PRUNE2: variants seen among roughly 807,000 people sequenced by gnomAD.
PRUNE2 encodes the protein protein prune homolog 2.
In PRUNE2, 164 loss-of-function variants were observed where a neutral mutation model predicts 252.0. The observed-to-expected ratio is 0.65, with a 90% CI of 0.57 to 0.74. The LOEUF (loss-of-function observed/expected upper bound fraction) is 0.74. Ranked by LOEUF, PRUNE2 falls within the 30% of genes least tolerant of loss-of-function variation. The pLI is 0.00. For synonymous variants in PRUNE2, 1,292 were observed against 1,350.2 expected (o/e 0.96, Z 0.94); for missense variants, 3,495 against 3,711.0 (o/e 0.94, Z 1.51).
chr9:76,723,227 G>A (rs752146692), intron 6 of PRUNE2, among the ~76,000 whole-genome samples: 1 of 152,154 alleles, frequency 6.6e-6, no homozygotes, highest in Non-Finnish European at 1.5e-5. Context: ...TTGAAAAGTT[G>A]GGCATGCAAG....
intron 7 of PRUNE2, among the ~76,000 whole-genome samples, chr9:76,713,291 A>G (rs148761914): frequency 1.7e-4 from 26 of 152,360 alleles, no homozygotes; most frequent in Admixed American, 3.3e-4. Context: ...AGAAGAAAAT[A>G]GCACCCAAAG....
chr9:76,619,533 T>C (rs934348983), intron 17 of PRUNE2, 146 bp from the exon 18 acceptor site: 5 of 635,236 alleles, frequency 7.9e-6, no homozygotes, highest in South Asian at 1.9e-5. Flanking sequence ...GATGATAAGA[T>C]TAAGCTGTAA....
At position 76,728,765 on chromosome 9, in the gene PRUNE2, A is replaced by G. The variant is rs370377569; in HGVS notation, c.757-15044T>C. Among the ~76,000 whole-genome samples the G allele has an allele frequency of 1.8e-3, 280 of 152,344 alleles. 1 individual carries two copies. Among genetic ancestry groups the G allele is most frequent in the African/African-American group, 6.1e-3 (254 of 41,590 alleles). On this transcript the variant is annotated intron_variant, in intron 6 of 18. Transcript: ENST00000376718. The stretch of plus-strand genomic sequence containing the variant: ...TCACATCCTAGCTCCACAGCCTGTT[A>G]TCTCTGCACCTTTAGGCAAGTTACT...
intron 12 of PRUNE2, among the ~76,000 whole-genome samples, chr9:76,639,154 C>T (rs956320972): frequency 5.3e-5 from 8 of 152,150 alleles, no homozygotes; most frequent in African/African-American, 1.9e-4. Flanking sequence ...TAGAGAACAT[C>T]TTACTAAACT....
chr9:76,694,707 A>G (rs566259367), intron 9 of PRUNE2, among the ~76,000 whole-genome samples: 1 of 152,332 alleles, frequency 6.6e-6, no homozygotes, highest in East Asian at 1.9e-4. Flanking sequence ...AACTCAGAGT[A>G]TGCTGGGCAT....
At chr9:76,639,572 GA>G (rs1841700929) in intron 12 of PRUNE2, among the ~76,000 whole-genome samples, 1 of 152,140 alleles carries the variant, frequency 6.6e-6, no homozygotes, top group South Asian at 2.1e-4. Context: ...AGAGTTCTGA[GA>G]AAATTAACAC....
At position 76,707,607 on chromosome 9, in the gene PRUNE2, G is replaced by A. The variant is rs1333096508; in HGVS notation, c.4667C>T (p.Ala1556Val). Residue 1556 changes from alanine (A) to valine (V), a missense_variant, in exon 8 of 19, where the codon GCA becomes GTA. Physicochemically the swap from Ala to Val is moderately conservative, Grantham distance 64. Coordinates refer to ENST00000376718, the MANE Select transcript of PRUNE2 (RefSeq NM_015225.3). ...GGGTTGCTGGCCCCAGGAGGACAGT[G>A]CAACTGAAGAGTCATTTAACTCAGG... ...SSPELNDSSV[A>V]LSSWGQQPSS... is the part of the protein sequence containing the mutation. 22 of 1,613,916 alleles carry A rather than the reference G, an allele frequency of 1.4e-5. No homozygotes were observed. Among genetic ancestry groups the A allele is most frequent in the Non-Finnish European group, 1.9e-5 (22 of 1,179,880 alleles).
intron 9 of PRUNE2, among the ~76,000 whole-genome samples, chr9:76,679,384 C>T (rs1431756832): frequency 6.6e-6 from 1 of 152,086 alleles, no homozygotes; most frequent in Non-Finnish European, 1.5e-5. Context: ...TTTCAAGGGA[C>T]CTCAAATAGC....
At chr9:76,760,695 A>G (rs761956737) in intron 6 of PRUNE2, among the ~76,000 whole-genome samples, 12 of 152,092 alleles carry the variant, frequency 7.9e-5, no homozygotes, top group Non-Finnish European at 1.5e-4. Context: ...CTCATCTTCT[A>G]TGTGTCCTTC....
At chr9:76,883,302 C>T (rs2061901463) in intron 1 of PRUNE2, among the ~76,000 whole-genome samples, 1 of 152,192 alleles carries the variant, frequency 6.6e-6, no homozygotes, top group African/African-American at 2.4e-5. Context: ...AAACATCGCA[C>T]CTTTCGGGTT....
intron 6 of PRUNE2, among the ~76,000 whole-genome samples, chr9:76,810,015 A>C (rs527864938): frequency 2.6e-5 from 4 of 152,330 alleles, no homozygotes; most frequent in South Asian, 4.1e-4. Context: ...GGAAGGTTCA[A>C]CATGACTGTT....
chr9:76,727,289 C>T (rs2048181929), intron 6 of PRUNE2, among the ~76,000 whole-genome samples: 1 of 152,200 alleles, frequency 6.6e-6, no homozygotes, highest in South Asian at 2.1e-4. Flanking sequence ...AAGTCACACT[C>T]AACTGTTTCA....
chr9:76,858,648 A>G (rs1004480504), intron 1 of PRUNE2, among the ~76,000 whole-genome samples: 1 of 151,940 alleles, frequency 6.6e-6, no homozygotes, highest in Non-Finnish European at 1.5e-5. Context: ...TAGGAGAAAT[A>G]CCTAATGTAG....
At chr9:76,822,388 G>A (rs1469601850) in intron 6 of PRUNE2, among the ~76,000 whole-genome samples, 2 of 152,148 alleles carry the variant, frequency 1.3e-5, no homozygotes, top group African/African-American at 4.8e-5. Flanking sequence ...AAATAAATTT[G>A]ACAAAAAGAT....
rs1022385708 is a variant in PRUNE2, at chr9:76,747,881, C to T, written c.757-34160G>A. Among the ~76,000 whole-genome samples the T allele has an allele frequency of 5.9e-5, 9 of 152,002 alleles. 1 individual carries two copies. In the South Asian group the frequency reaches 1.9e-3, roughly 32 times the overall value. On this transcript the variant is annotated intron_variant, in intron 6 of 18. Coordinates refer to ENST00000376718, the MANE Select transcript of PRUNE2 (RefSeq NM_015225.3). ...AGCAATCTTGGCTCACTGCAACCTCCGTCTCCCGGGTTCAAGCAATTCTCC... is the reference window on the plus strand; with the variant it reads ...AGCAATCTTGGCTCACTGCAACCTCTGTCTCCCGGGTTCAAGCAATTCTCC...
At chr9:76,665,372 C>G (rs374554183) in intron 9 of PRUNE2, among the ~76,000 whole-genome samples, 1 of 152,100 alleles carries the variant, frequency 6.6e-6, no homozygotes, top group East Asian at 1.9e-4. Flanking sequence ...CACCTCCACC[C>G]CACAGAGTAA....
At position 76,705,248 on chromosome 9, in the gene PRUNE2, G is replaced by C. The variant is rs796416814; in HGVS notation, c.7026C>G (p.Ile2342Met). 6 of 1,614,036 alleles carry C rather than the reference G, an allele frequency of 3.7e-6. No homozygotes were observed. Among genetic ancestry groups the C allele is most frequent in the Non-Finnish European group, 5.1e-6 (6 of 1,179,892 alleles). Residue 2342 changes from isoleucine (I) to methionine (M), a missense_variant, in exon 8 of 19, where the codon ATC becomes ATG. Transcript: ENST00000376718. ...PVDGDLGKQDICSSEASWGDF... is the reference protein window; with the variant it reads ...PVDGDLGKQDMCSSEASWGDF... ...CACCCCACGAGGCTTCAGATGAGCA[G>C]ATATCTTGCTTCCCTAGGTCCCCAT...
At chr9:76,703,113 A>ACT (rs2307906) in intron 9 of PRUNE2, among the ~76,000 whole-genome samples, 114,413 of 151,244 alleles carry the variant, frequency 0.76, 43,737 homozygotes, top group East Asian at 0.94. Flanking sequence ...TAGGTATAAG[A>ACT]CTGAATGAAA....
chr9:76,636,570 A>T lies in PRUNE2; in HGVS notation c.8964-13T>A. ...ATTCTTCCTCAACCTATTTTGAAAA[A>T]AGAAAAAAAATACATTACTCTTAAC... On this transcript the variant is annotated splice_polypyrimidine_tract_variant and intron_variant, in intron 14 of 18. Coordinates refer to ENST00000376718, the MANE Select transcript of PRUNE2 (RefSeq NM_015225.3). The T allele has an allele frequency of 7.0e-7, 1 of 1,430,846 alleles. No homozygotes were observed. Among genetic ancestry groups the T allele is most frequent in the Non-Finnish European group, 9.6e-7 (1 of 1,038,120 alleles). The allele number at this position is 1,430,846 out of a possible 1,614,324, so 88.6% of individuals were successfully genotyped here. A position where few individuals can be genotyped will look rare whatever the true frequency, so the allele number is the denominator to read the frequency against.
Sources: allele counts gnomAD v4.1 joint callset (sites outside exome capture counted in the v4.1 genomes callset), GRCh38; gene constraint gnomAD v4.1.1; transcripts MANE v1.5; gene names NCBI Gene and HGNC (gene_info 2026-07-23, HGNC 2026-07-21).